THSD7B: variants seen among roughly 807,000 people sequenced by gnomAD.
The protein encoded by THSD7B is thrombospondin type-1 domain-containing protein 7B.
THSD7B carries 138 observed loss-of-function variants against 213.6 expected under a neutral mutation model. The observed-to-expected ratio is 0.65, with a 90% CI of 0.56 to 0.74. The LOEUF (loss-of-function observed/expected upper bound fraction) is 0.74, where lower values mean the gene tolerates loss of function less well. Among genes scored for constraint, THSD7B ranks in the 30% least tolerant of loss-of-function variants. The probability of loss-of-function intolerance (pLI) is 0.00; values close to 1 mark genes in which losing one functional copy is unlikely to be tolerated. For missense variants in THSD7B, 1,931 were observed against 1,991.5 expected, an observed-to-expected ratio of 0.97 and a Z score of 0.58; for synonymous variants, 742 against 687.0, an observed-to-expected ratio of 1.08 and a Z score of -1.25.
At chr2:136,863,874 A>C (rs1449692486) in intron 1 of THSD7B, among the ~76,000 whole-genome samples, 1 of 152,206 alleles carries the variant, frequency 6.6e-6, no homozygotes, top group Non-Finnish European at 1.5e-5. Context: ...AAAGATGTAA[A>C]AGTTATCCAG....
intron 2 of THSD7B, among the ~76,000 whole-genome samples, chr2:136,944,986 A>T (rs1303319937): frequency 6.6e-6 from 1 of 152,084 alleles, no homozygotes; most frequent in Non-Finnish European, 1.5e-5. Flanking sequence ...TGTAGCATCG[A>T]TGGTCTTTAC....
chr2:136,996,609 G>A (rs80315042), intron 2 of THSD7B, among the ~76,000 whole-genome samples: 7,873 of 152,146 alleles, frequency 0.052, 275 homozygotes, highest in East Asian at 0.12. Context: ...ACCTCCTAAA[G>A]TGCTGGGATT....
intron 2 of THSD7B, among the ~76,000 whole-genome samples, chr2:136,934,053 G>T (rs1684678608): frequency 6.6e-6 from 1 of 152,128 alleles, no homozygotes. Flanking sequence ...ACACAAAAAG[G>T]CATTAGTCTA....
chr2:137,221,518 A>G (rs1040992970), intron 7 of THSD7B, among the ~76,000 whole-genome samples: 5 of 152,148 alleles, frequency 3.3e-5, no homozygotes, highest in Admixed American at 2.0e-4. Context: ...TAAATAATGG[A>G]AAAAAAGAAA....
chr2:137,363,238 T>A (rs1294091453), intron 12 of THSD7B, among the ~76,000 whole-genome samples: 1 of 152,008 alleles, frequency 6.6e-6, no homozygotes, highest in South Asian at 2.1e-4. Context: ...ATTAAAGCAG[T>A]GTGTAGAGGG....
intron 17 of THSD7B, among the ~76,000 whole-genome samples, chr2:137,602,592 G>A (rs1478019409): frequency 3.9e-5 from 6 of 152,202 alleles, no homozygotes; most frequent in Non-Finnish European, 7.4e-5. Flanking sequence ...CTTACAGTCT[G>A]GGAACTTCAA....
At chr2:137,408,583 A>G (rs927195055) in intron 13 of THSD7B, among the ~76,000 whole-genome samples, 1 of 152,220 alleles carries the variant, frequency 6.6e-6, no homozygotes, top group African/African-American at 2.4e-5. Flanking sequence ...CTATTGTTGT[A>G]ACAAATTACC....
At chr2:137,180,311 A>G (rs1362026851) in intron 7 of THSD7B, among the ~76,000 whole-genome samples, 3 of 152,212 alleles carry the variant, frequency 2.0e-5, no homozygotes, top group Admixed American at 2.0e-4. Context: ...GCCAGTTTCT[A>G]TCAGAGTATT....
At position 137,426,556 on chromosome 2, in the gene THSD7B, G is replaced by A. The variant is rs190894670; in HGVS notation, c.2959+14684G>A. Among the ~76,000 whole-genome samples, 157 of 152,162 alleles carry A rather than the reference G, an allele frequency of 1.0e-3. 1 individual carries two copies. Among genetic ancestry groups the A allele is most frequent in the African/African-American group, 3.6e-3 (149 of 41,528 alleles). On this transcript the variant is annotated intron_variant, in intron 14 of 27. Coordinates refer to ENST00000409968, the MANE Select transcript of THSD7B (RefSeq NM_001316349.2). ...TAGTAATCTTTGACAAAGTTACCAA[G>A]AATACACAATGGGGAAAAGAGAGTC...
At chr2:137,001,431 A>G (rs1685997116) in intron 2 of THSD7B, among the ~76,000 whole-genome samples, 1 of 152,280 alleles carries the variant, frequency 6.6e-6, no homozygotes, top group South Asian at 2.1e-4. Context: ...GAAAGGTTCA[A>G]TAAGTGTTAG....
At chr2:137,397,304 G>A (rs554853629) in intron 12 of THSD7B, among the ~76,000 whole-genome samples, 108 of 152,156 alleles carry the variant, frequency 7.1e-4, no homozygotes, top group African/African-American at 1.8e-3. Flanking sequence ...GGCTGGTACC[G>A]GTTGTTCCTT....
chr2:137,587,819 G>A (rs973775149), intron 17 of THSD7B, among the ~76,000 whole-genome samples: 5 of 152,170 alleles, frequency 3.3e-5, no homozygotes, highest in Admixed American at 6.5e-5. Context: ...TCCATTCTCC[G>A]ATCTCAAACT....
intron 1 of THSD7B, among the ~76,000 whole-genome samples, chr2:136,777,320 T>A (rs1681630299): frequency 6.6e-6 from 1 of 152,188 alleles, no homozygotes; most frequent in Admixed American, 6.5e-5. Context: ...AAGCAACTAC[T>A]CCTGACCCTG....
chr2:137,362,189 A>T (rs2104936620), intron 12 of THSD7B, among the ~76,000 whole-genome samples: 1 of 152,306 alleles, frequency 6.6e-6, no homozygotes, highest in South Asian at 2.1e-4. Flanking sequence ...ATGCTGAGAG[A>T]TTTTGTCACC....
intron 12 of THSD7B, among the ~76,000 whole-genome samples, chr2:137,403,431 A>G (rs1367639067): frequency 1.3e-5 from 2 of 152,240 alleles, no homozygotes; most frequent in Non-Finnish European, 2.9e-5. Context: ...AGAATTTTAT[A>G]TAAAAAGTTT....
chr2:137,211,918 TGTACCAGA>T (rs1457483299), intron 7 of THSD7B, among the ~76,000 whole-genome samples: 1 of 152,056 alleles, frequency 6.6e-6, no homozygotes, highest in African/African-American at 2.4e-5. Flanking sequence ...CAAATGAATC[TGTACCAGA>T]TATATCTGAT....
intron 2 of THSD7B, among the ~76,000 whole-genome samples, chr2:137,001,867 T>C (rs183490012): frequency 2.8e-3 from 419 of 152,298 alleles, no homozygotes; most frequent in African/African-American, 9.5e-3. Flanking sequence ...CATTTCACTT[T>C]CTCTGTTCTT....
chr2:137,421,356 A>C (rs991049937), intron 14 of THSD7B, among the ~76,000 whole-genome samples: 1 of 152,170 alleles, frequency 6.6e-6, no homozygotes, highest in Non-Finnish European at 1.5e-5. Flanking sequence ...CACCAGTTGC[A>C]ACTCTGGGCC....
chr2:137,289,609 C>G (rs1683275268), intron 12 of THSD7B, among the ~76,000 whole-genome samples: 1 of 152,024 alleles, frequency 6.6e-6, no homozygotes, highest in Admixed American at 6.5e-5. Flanking sequence ...AATATATAGA[C>G]TCTAGTCTCA....
Sources: allele counts gnomAD v4.1 joint callset (sites outside exome capture counted in the v4.1 genomes callset), GRCh38; gene constraint gnomAD v4.1.1; transcripts MANE v1.5; gene names NCBI Gene and HGNC (gene_info 2026-07-23, HGNC 2026-07-21).